Variants in ZBTB20 observed in about 807,000 individuals in gnomAD.
The protein encoded by ZBTB20 is zinc finger and BTB domain-containing protein 20.
In ZBTB20, 9 loss-of-function variants were observed where a neutral mutation model predicts 56.9. The ratio of observed to expected loss-of-function variants is 0.16; its 90% confidence interval spans 0.10 to 0.28. ZBTB20 has a LOEUF of 0.28. ZBTB20 is among the 10% of genes least tolerant of loss of function. ZBTB20 has a pLI of 1.00. For missense variants in ZBTB20, 655 were observed against 1,003.0 expected, an observed-to-expected ratio of 0.65 and a Z score of 4.69; for synonymous variants, 417 against 420.7, an observed-to-expected ratio of 0.99 and a Z score of 0.11.
chr3:114,390,998 T>C (rs1244584569), intron 7 of ZBTB20, among the ~76,000 whole-genome samples: 4 of 152,200 alleles, frequency 2.6e-5, no homozygotes, highest in Admixed American at 6.5e-5. Flanking sequence ...TCCGTTTTTT[T>C]TTTCTTCCTA....
intron 5 of ZBTB20, among the ~76,000 whole-genome samples, chr3:114,787,294 T>C (rs1452497758): frequency 1.4e-5 from 2 of 146,344 alleles, no homozygotes; most frequent in African/African-American, 5.2e-5. Flanking sequence ...TGAGTCTTAA[T>C]GCATCAAGCT....
At chr3:114,419,046 C>G (rs1027473322) in intron 7 of ZBTB20, 2 of 152,048 alleles carry the variant, frequency 1.3e-5, no homozygotes, top group African/African-American at 4.8e-5. Context: ...ACAACAGAAT[C>G]AAACTCTGTA....
intron 6 of ZBTB20, among the ~76,000 whole-genome samples, chr3:114,634,665 GT>G (rs2059154443): frequency 6.6e-6 from 1 of 152,192 alleles, no homozygotes; most frequent in Admixed American, 6.5e-5. Context: ...ACTAAAAGCA[GT>G]TGCATTTGCA....
At chr3:114,571,165 A>G (rs1380994645) in intron 6 of ZBTB20, among the ~76,000 whole-genome samples, 1 of 152,240 alleles carries the variant, frequency 6.6e-6, no homozygotes, top group Non-Finnish European at 1.5e-5. Flanking sequence ...TGGAGAACAA[A>G]GTATTAGAAG....
chr3:115,009,445 C>T (rs1360102635), intron 2 of ZBTB20, among the ~76,000 whole-genome samples: 1 of 151,908 alleles, frequency 6.6e-6, no homozygotes, highest in Admixed American at 6.6e-5. Context: ...CCCTTTCAGG[C>T]AGTGAGAATA....
intron 6 of ZBTB20, among the ~76,000 whole-genome samples, chr3:114,524,482 C>T (rs1175614881): frequency 2.6e-5 from 4 of 151,598 alleles, no homozygotes; most frequent in Non-Finnish European, 1.5e-5. Flanking sequence ...GAGCTAGGGG[C>T]TAACGTTTTC....
At chr3:114,703,040 A>G (rs2063493825) in intron 5 of ZBTB20, among the ~76,000 whole-genome samples, 1 of 152,114 alleles carries the variant, frequency 6.6e-6, no homozygotes, top group African/African-American at 2.4e-5. Context: ...GTGATCCTCA[A>G]GACCACTGAG....
intron 10 of ZBTB20, among the ~76,000 whole-genome samples, chr3:114,371,062 C>T (rs1326102231): frequency 1.3e-5 from 2 of 152,190 alleles, no homozygotes; most frequent in African/African-American, 4.8e-5. Context: ...CTCCTTCTCA[C>T]ATCCAGGCTG....
chr3:115,007,825 A>G (rs2079540793), intron 2 of ZBTB20, among the ~76,000 whole-genome samples: 2 of 151,850 alleles, frequency 1.3e-5, no homozygotes, highest in South Asian at 4.1e-4. Flanking sequence ...CCAATTGAAT[A>G]TATTTTGACT....
chr3:114,413,914 T>C (rs1171967390), intron 7 of ZBTB20, among the ~76,000 whole-genome samples: 1 of 152,186 alleles, frequency 6.6e-6, no homozygotes, highest in Non-Finnish European at 1.5e-5. Flanking sequence ...TGCTGTTTTC[T>C]GCCCAGTAGC....
At chr3:114,445,522 G>A (rs978980959) in intron 7 of ZBTB20, 1 of 152,170 alleles carries the variant, frequency 6.6e-6, no homozygotes, top group Non-Finnish European at 1.5e-5. Context: ...TCAGTGCAAT[G>A]AAATTGTGTG....
chr3:114,481,843 G>A (rs1327473032), intron 7 of ZBTB20, among the ~76,000 whole-genome samples: 4 of 152,180 alleles, frequency 2.6e-5, no homozygotes, highest in African/African-American at 4.8e-5. Flanking sequence ...TTGTTCAGAG[G>A]GAGTAAACCA....
At chr3:114,474,934 T>C (rs2040574685) in intron 7 of ZBTB20, among the ~76,000 whole-genome samples, 1 of 152,156 alleles carries the variant, frequency 6.6e-6, no homozygotes, top group East Asian at 1.9e-4. Flanking sequence ...TTTTACTCAC[T>C]GTTGCCAGAT....
Position 114,949,000 on chromosome 3 carries a change from T to C in ZBTB20, c.-456+25366A>G, listed in dbSNP as rs565776756. ...AAAGAATCTAAAAGATGAGCACAGC[T>C]AAAAGATTTACACTACCAGATATTA... On this transcript the variant is annotated intron_variant, in intron 3 of 11. Coordinates refer to ENST00000675478, the MANE Select transcript of ZBTB20 (RefSeq NM_001348800.3). Among the ~76,000 whole-genome samples the C allele has an allele frequency of 4.8e-5, 7 of 146,202 alleles. 3 individuals carry two copies. The highest frequency in any genetic ancestry group is 1.9e-4 in the African/African-American group (7 of 35,980).
intron 4 of ZBTB20, among the ~76,000 whole-genome samples, chr3:114,844,860 C>CTTTTTTTTTT (rs11396350): frequency 2.3e-5 from 3 of 130,438 alleles, no homozygotes; most frequent in Non-Finnish European, 4.8e-5. Flanking sequence ...TTTTCTTTTT[C>CTTTTTTTTTT]TTTTTTTTTT....
At chr3:114,991,350 C>A (rs2078800670) in intron 2 of ZBTB20, among the ~76,000 whole-genome samples, 1 of 152,120 alleles carries the variant, frequency 6.6e-6, no homozygotes, top group African/African-American at 2.4e-5. Context: ...TTTCTGCCTT[C>A]ATTTCGTTAG....
At chr3:114,341,451 C>T (rs930890925) in intron 11 of ZBTB20, among the ~76,000 whole-genome samples, 1 of 152,160 alleles carries the variant, frequency 6.6e-6, no homozygotes, top group African/African-American at 2.4e-5. Context: ...CACCTGTCAC[C>T]TTTTATGGGA....
chr3:114,424,112 G>A (rs1404616210), intron 7 of ZBTB20, among the ~76,000 whole-genome samples: 1 of 152,210 alleles, frequency 6.6e-6, no homozygotes, highest in Non-Finnish European at 1.5e-5. Context: ...GTTGTTAGCA[G>A]CTGTACACGG....
intron 6 of ZBTB20, among the ~76,000 whole-genome samples, chr3:114,558,220 G>A (rs1293471274): frequency 6.6e-6 from 1 of 151,946 alleles, no homozygotes; most frequent in African/African-American, 2.4e-5. Flanking sequence ...GTGATCTTAG[G>A]CAGCTTTCAG....
Sources: allele counts gnomAD v4.1 joint callset (sites outside exome capture counted in the v4.1 genomes callset), GRCh38; gene constraint gnomAD v4.1.1; transcripts MANE v1.5; gene names NCBI Gene and HGNC (gene_info 2026-07-23, HGNC 2026-07-21).